The following CDYL variants were observed in gnomAD, a reference collection of about 807,000 sequenced individuals.
CDYL encodes chromodomain Y-like protein.
Under a neutral mutation model 47.3 loss-of-function variants are expected in CDYL, and 8 were observed. The observed-to-expected ratio is 0.17, with a 90% CI of 0.10 to 0.31. CDYL has a LOEUF of 0.31. CDYL is among the 10% of genes least tolerant of loss of function. CDYL has a pLI of 1.00. For synonymous variants in CDYL, 266 were observed against 265.0 expected (o/e 1.00, Z -0.04); for missense variants, 471 against 701.4 (o/e 0.67, Z 3.71).
Position 4,889,698 on chromosome 6 carries a change from G to A in CDYL, c.25-2015G>A, listed in dbSNP as rs57606014. On this transcript the variant is annotated intron_variant, in intron 1 of 6. Coordinates refer to ENST00000397588, the MANE Select transcript of CDYL (RefSeq NM_004824.4). ...CGCTACTTCCTTGCTATAAGAACAG[G>A]GTTAAGTGATTGGGAGACCAGATGA... Among the ~76,000 whole-genome samples the A allele has an allele frequency of 4.5e-3, 689 of 152,200 alleles. 4 individuals carry two copies. Among genetic ancestry groups the A allele is most frequent in the African/African-American group, 0.016 (670 of 41,524 alleles).
At chr6:4,849,045 A>C (rs1760745851) in intron 1 of CDYL, among the ~76,000 whole-genome samples, 1 of 152,238 alleles carries the variant, frequency 6.6e-6, no homozygotes, top group South Asian at 2.1e-4. Flanking sequence ...TGTAGAGCTG[A>C]TACTTTTTTC....
At chr6:4,781,950 A>T (rs1406469974) in intron 1 of CDYL, among the ~76,000 whole-genome samples, 1 of 151,720 alleles carries the variant, frequency 6.6e-6, no homozygotes, top group African/African-American at 2.4e-5. Context: ...CAATGTTTGG[A>T]TGGAGACAGG....
intron 2 of CDYL, among the ~76,000 whole-genome samples, chr6:4,906,449 C>T (rs1258387721): frequency 6.6e-6 from 1 of 152,158 alleles, no homozygotes; most frequent in African/African-American, 2.4e-5. Flanking sequence ...TCTGGGAGTG[C>T]GGCTGCCTCT....
chr6:4,883,666 A>C (rs1212593240), intron 1 of CDYL, among the ~76,000 whole-genome samples: 1 of 152,220 alleles, frequency 6.6e-6, no homozygotes, highest in Non-Finnish European at 1.5e-5. Flanking sequence ...TTTAAGAGCC[A>C]TAGCCATCTA....
chr6:4,739,383 G>T (rs1169871935), intron 3 of CDYL, among the ~76,000 whole-genome samples: 1 of 151,224 alleles, frequency 6.6e-6, no homozygotes, highest in Non-Finnish European at 1.5e-5. Flanking sequence ...GCTGGGCATG[G>T]TGGCAGGCAC....
chr6:4,953,596 A>G (rs1758775137), intron 6 of CDYL, among the ~76,000 whole-genome samples: 1 of 152,240 alleles, frequency 6.6e-6, no homozygotes, highest in Non-Finnish European at 1.5e-5. Flanking sequence ...GCAGACGTCC[A>G]GTTCGGGGGT....
chr6:4,724,504 C>T (rs188764417), intron 2 of CDYL: 1 of 152,714 alleles, frequency 6.5e-6, no homozygotes, highest in Non-Finnish European at 1.5e-5. Context: ...GTCTCACTGA[C>T]TTCAAATGTG....
chr6:4,926,588 C>T (rs1757880467), intron 2 of CDYL, among the ~76,000 whole-genome samples: 1 of 152,164 alleles, frequency 6.6e-6, no homozygotes, highest in South Asian at 2.1e-4. Context: ...AATAATATCC[C>T]AGACATTTTT....
chr6:4,922,548 C>T (rs1258239712), intron 2 of CDYL, among the ~76,000 whole-genome samples: 3 of 152,154 alleles, frequency 2.0e-5, no homozygotes, highest in African/African-American at 7.2e-5. Context: ...TCCTTGGGTG[C>T]AGCTTTAACG....
intron 1 of CDYL, among the ~76,000 whole-genome samples, chr6:4,789,509 C>T (rs1758859988): frequency 6.6e-6 from 1 of 152,134 alleles, no homozygotes; most frequent in South Asian, 2.1e-4. Flanking sequence ...CCCTAGGCAT[C>T]TCCCCCACTC....
chr6:4,738,883 C>T (rs537628790), intron 3 of CDYL, among the ~76,000 whole-genome samples: 32 of 152,266 alleles, frequency 2.1e-4, no homozygotes, highest in African/African-American at 6.7e-4. Flanking sequence ...ACAATGTGGC[C>T]GGGCGCAGCG....
chr6:4,898,823 T>C (rs1477189871), intron 2 of CDYL, among the ~76,000 whole-genome samples: 1 of 152,238 alleles, frequency 6.6e-6, no homozygotes, highest in Non-Finnish European at 1.5e-5. Context: ...TAAAACTTAA[T>C]AAATCTGCAT....
At position 4,759,380 on chromosome 6, in the gene CDYL, T is replaced by G. The variant is rs532336665; in HGVS notation, c.186+24536T>G. Among the ~76,000 whole-genome samples the G allele has an allele frequency of 2.0e-5, 3 of 152,346 alleles. No individual in the cohort carries two copies. The East Asian group carries it at 5.8e-4, about 29-fold the overall frequency. On this transcript the variant is annotated intron_variant, in intron 3 of 8. Coordinates refer to the CDYL transcript ENST00000328908. ...TTATTCAGATTCTTTACCTTAATAT[T>G]AAAACAGATTCACTTTCCATCTTAT...
intron 1 of CDYL, among the ~76,000 whole-genome samples, chr6:4,801,454 G>C (rs1012167989): frequency 6.6e-6 from 1 of 152,214 alleles, no homozygotes; most frequent in Non-Finnish European, 1.5e-5. Flanking sequence ...GACATATGCT[G>C]TAGTGAGTCT....
At chr6:4,895,043 A>G (rs1326648926) in intron 2 of CDYL, among the ~76,000 whole-genome samples, 3 of 150,400 alleles carry the variant, frequency 2.0e-5, no homozygotes, top group Non-Finnish European at 4.4e-5. Flanking sequence ...ATATGTATCT[A>G]TATACACATG....
intron 3 of CDYL, among the ~76,000 whole-genome samples, chr6:4,760,499 C>G (rs1758158376): frequency 6.6e-6 from 1 of 151,970 alleles, no homozygotes; most frequent in Non-Finnish European, 1.5e-5. Flanking sequence ...ACTGGTTCAT[C>G]ATGGATTGGT....
intron 1 of CDYL, among the ~76,000 whole-genome samples, chr6:4,885,348 T>C (rs1324460267): frequency 6.6e-6 from 1 of 152,218 alleles, no homozygotes; most frequent in African/African-American, 2.4e-5. Flanking sequence ...AATTTTATGT[T>C]GTCTTGATGT....
intron 1 of CDYL, among the ~76,000 whole-genome samples, chr6:4,795,014 T>A (rs1759030347): frequency 2.0e-5 from 3 of 152,154 alleles, no homozygotes; most frequent in Non-Finnish European, 4.4e-5. Context: ...TGTACTGAAT[T>A]GGCTAGGACC....
chr6:4,803,971 G>A (rs1002677474), intron 1 of CDYL, among the ~76,000 whole-genome samples: 9 of 145,784 alleles, frequency 6.2e-5, no homozygotes, highest in African/African-American at 1.0e-4. Flanking sequence ...GTCTCATGGC[G>A]TAGCGTGCTT....
Sources: allele counts gnomAD v4.1 joint callset (sites outside exome capture counted in the v4.1 genomes callset), GRCh38; gene constraint gnomAD v4.1.1; transcripts MANE v1.5; gene names NCBI Gene and HGNC (gene_info 2026-07-23, HGNC 2026-07-21).